NLRP13: variants seen among roughly 807,000 people sequenced by gnomAD.
NLRP13 encodes the protein NLR family pyrin domain containing 13, also known as NACHT, LRR and PYD domains-containing protein 13.
NLRP13 carries 82 observed loss-of-function variants against 94.4 expected under a neutral mutation model. That is an observed-to-expected ratio of 0.87 (90% CI 0.73 to 1.04). NLRP13 has a LOEUF of 1.04. Ranked by LOEUF, NLRP13 falls within the 50% of genes least tolerant of loss-of-function variation. The pLI, the probability that NLRP13 is intolerant of heterozygous loss-of-function variation, is 0.00. For missense variants in NLRP13, 1,426 were observed against 1,230.8 expected (o/e 1.16, Z -2.37); for synonymous variants, 553 against 464.7 (o/e 1.19, Z -2.45).
At chr19:55,916,492 T>C (rs1986679174) in intron 4 of NLRP13, among the ~76,000 whole-genome samples, 1 of 152,082 alleles carries the variant, frequency 6.6e-6, no homozygotes, top group African/African-American at 2.4e-5. Context: ...ATTCAGGATA[T>C]GAATGAGAAA....
chr19:55,911,902 A>G lies in NLRP13; in HGVS notation c.1915T>C (p.Phe639Leu). ...ASLQFHILRL[F>L]HCLHESQEED... ...TCCTGGGACTCGTGTAGGCAGTGAA[A>G]AAGTCGTAGAATGTGAAATTGGAGA... is the stretch of plus-strand genomic sequence containing the variant. Residue 639 changes from phenylalanine (F) to leucine (L), a missense_variant, in exon 5 of 11, where the codon TTT (phenylalanine) becomes CTT (leucine). Transcript: ENST00000342929. 6.2e-7 allele frequency: 1 copy of G among 1,614,174 alleles called. No individual in the cohort carries two copies. The highest frequency in any genetic ancestry group is 1.7e-5 in the Admixed American group (1 of 60,034).
chr19:55,910,476 G>T (rs907915049), intron 6 of NLRP13, 87 bp downstream of exon 6: 2 of 1,301,366 alleles, frequency 1.5e-6, no homozygotes, highest in South Asian at 1.9e-5. Flanking sequence ...TTGCCTTCTG[G>T]CAAATAGTCA....
rs768101904 is a variant in NLRP13 at position 55,910,562 on chromosome 19, C to G, written c.2282+1G>C. 1.9e-6 allele frequency: 3 copies of G among 1,592,822 alleles called. No individual in the cohort carries two copies. Among genetic ancestry groups the G allele is most frequent in the Non-Finnish European group, 2.6e-6 (3 of 1,165,174 alleles). On this transcript the variant is annotated splice_donor_variant, in intron 6 of 10. Transcript: ENST00000342929. LOFTEE classifies it high-confidence loss of function. The stretch of plus-strand genomic sequence containing the variant: ...TTGAGCTGCTGGCGTCTCACACTTA[C>G]GTCAGTTTCTGGACTTTGCATCTTG...
At position 55,925,033 on chromosome 19, in the gene NLRP13, T is replaced by G; in HGVS notation, c.322A>C (p.Asn108His). The change falls in exon 2 of 11, where the codon AAT becomes CAT. Residue 108 changes from asparagine (N) to histidine (H), a missense_variant and splice_region_variant. Coordinates refer to ENST00000342929, the MANE Select transcript of NLRP13 (RefSeq NM_176810.2). ...CEKVRAEMKE[N>H]VQTQELQDPT... ...TCTTGCAGCTCTTGGGTCTGCACAT[T>G]CTCTGAAACAAACAGTGATGATGAC... 6.2e-7 allele frequency: 1 copy of G among 1,613,912 alleles called. No individual in the cohort carries two copies. The highest frequency in any genetic ancestry group is 8.5e-7 in the Non-Finnish European group (1 of 1,179,884).
Position 55,905,131 on chromosome 19 carries a change from C to A in NLRP13, c.2448-19G>T. On this transcript the variant is annotated intron_variant, in intron 7 of 10. Transcript: ENST00000342929. Reference sequence around the variant, plus strand: ...CTCCAGGCTGTGGAAGGTGCAGGTGCAAGGTGAGCCTCAGCCATGATGCCC... The same window carrying A: ...CTCCAGGCTGTGGAAGGTGCAGGTGAAAGGTGAGCCTCAGCCATGATGCCC... 1 of 1,612,336 alleles carries A rather than the reference C, an allele frequency of 6.2e-7. No homozygotes were observed.
chr19:55,894,223 G>A (rs927661289), downstream of NLRP13, among the ~76,000 whole-genome samples: 12 of 151,834 alleles, frequency 7.9e-5, no homozygotes, highest in Admixed American at 7.9e-4. Flanking sequence ...TAAAATTTTT[G>A]TAGAGACAGG....
Position 55,911,927 on chromosome 19 carries a change from A to G in NLRP13, c.1890T>C (p.Ser630=), listed in dbSNP as rs1490489921. ...GEELGKAESA[S]LQFHILRLFH... ...AAAGTCGTAGAATGTGAAATTGGAG[A>G]GAGGCACTTTCAGCCTTACCTAACT... The change falls in exon 5 of 11, where the codon TCT becomes TCC. Residue 630 remains serine, a synonymous_variant. Coordinates refer to ENST00000342929, the MANE Select transcript of NLRP13 (RefSeq NM_176810.2). The G allele has an allele frequency of 6.2e-7, 1 of 1,614,160 alleles. No homozygotes were observed. The highest frequency in any genetic ancestry group is 1.1e-5 in the South Asian group (1 of 91,070).
intron 9 of NLRP13, among the ~76,000 whole-genome samples, chr19:55,901,021 C>T (rs2123106669): frequency 6.6e-6 from 1 of 152,300 alleles, no homozygotes; most frequent in African/African-American, 2.4e-5. Flanking sequence ...ACATAACCAG[C>T]ACTCAGTAAA....
chr19:55,931,718 A>AGAAAGACAGAAAGAAAGAAAGAAAGAAAG, intron 1 of NLRP13, among the ~76,000 whole-genome samples: 2 of 96,064 alleles, frequency 2.1e-5, no homozygotes, highest in African/African-American at 8.3e-5. Context: ...TCAAAAAAAA[A>AGAAAGACAGAAAGAAAGAAAGAAAGAAAG]AAAAAAAGAA....
In NLRP13 at chr19:55,913,186, C is replaced by G; in HGVS notation, c.631G>C (p.Glu211Gln). The G allele has an allele frequency of 6.2e-7, 1 of 1,614,072 alleles. No individual in the cohort carries two copies. Among genetic ancestry groups the G allele is most frequent in the East Asian group, 2.2e-5 (1 of 44,868 alleles). Residue 211 changes from glutamate (E) to glutamine (Q), a missense_variant, in exon 5 of 11, where the codon GAA becomes CAA. Glu to Gln is a conservative substitution (Grantham distance 29, BLOSUM62 2). Coordinates refer to ENST00000342929, the MANE Select transcript of NLRP13 (RefSeq NM_176810.2). ...AGTAGGCGCTGCAGTTCCTCATGTT[C>G]GTCCTTTGATGTATTACGGATATAT... ...HVYIRNTSKDEHEELQRLLDP... is the reference protein window; with the variant it reads ...HVYIRNTSKDQHEELQRLLDP...
At chr19:55,895,751 C>T (rs1568684677), downstream of NLRP13, among the ~76,000 whole-genome samples, 2 of 152,118 alleles carry the variant, frequency 1.3e-5, no homozygotes, top group African/African-American at 4.8e-5. Flanking sequence ...TTTCAAGTGC[C>T]CAATGATGAG....
In NLRP13 at chr19:55,925,172, G is replaced by A. The variant is rs146244873; in HGVS notation, c.320-137C>T. 3.0e-4 allele frequency: 226 copies of A among 746,036 alleles called. 1 individual carries two copies. Among genetic ancestry groups the A allele is most frequent in the African/African-American group, 2.7e-3 (158 of 57,948 alleles). The allele number at this position is 746,036 out of a possible 1,614,324, so 46.2% of individuals were successfully genotyped here. ...GGTCTGATTCCTCCAGTTTTCTCAA[G>A]CTCCATTAGCCCAACTGAAGATGCA... On this transcript the variant is annotated intron_variant, in intron 1 of 10. Transcript: ENST00000342929.
intron 1 of NLRP13, among the ~76,000 whole-genome samples, chr19:55,930,686 C>CAA (rs9304769): frequency 0.013 from 1,250 of 93,958 alleles, 25 homozygotes; most frequent in African/African-American, 0.045. Flanking sequence ...AACTCCATCT[C>CAA]AAAAAAAAAA....
chr19:55,929,738 C>T (rs1190181733), intron 1 of NLRP13, among the ~76,000 whole-genome samples: 3 of 151,878 alleles, frequency 2.0e-5, no homozygotes, highest in East Asian at 3.9e-4. Context: ...CAAACCTGCA[C>T]GTTGTGCACA....
At chr19:55,908,667 C>A (rs1440624270) in intron 6 of NLRP13, among the ~76,000 whole-genome samples, 1 of 152,148 alleles carries the variant, frequency 6.6e-6, no homozygotes, top group East Asian at 1.9e-4. Context: ...GAAGCTAATG[C>A]AGGAACAGAA....
Position 55,931,969 on chromosome 19 carries a change from G to A in NLRP13, c.319+24C>T, listed in dbSNP as rs200371517. The A allele has an allele frequency of 4.8e-5, 77 of 1,608,006 alleles. No homozygotes were observed. The East Asian group carries it at 4.9e-4, about 10-fold the overall frequency. ...CTCAGGAGTACCAAGCAGCCCTCCC[G>A]CCTTCCTTCTTGAGGACTCTCACCT... On this transcript the variant is annotated intron_variant, in intron 1 of 10. Coordinates refer to ENST00000342929, the MANE Select transcript of NLRP13 (RefSeq NM_176810.2).
chr19:55,932,042 C>G lies in NLRP13; in HGVS notation c.270G>C (p.Gln90His). Residue 90 changes from glutamine to histidine, a missense_variant, in exon 1 of 11, where the codon CAG becomes CAC. Coordinates refer to ENST00000342929, the MANE Select transcript of NLRP13 (RefSeq NM_176810.2). ...CACACAGTGAGGTCAGATTCATTGTCTGGAAGATGCCGAGGACCACTTTCC... is the reference window on the plus strand; with the variant it reads ...CACACAGTGAGGTCAGATTCATTGTGTGGAAGATGCCGAGGACCACTTTCC... Reference protein sequence around the residue: ...QAWKVVLGIFQTMNLTSLCEK... With the variant: ...QAWKVVLGIFHTMNLTSLCEK... 1.9e-6 allele frequency: 3 copies of G among 1,614,066 alleles called. No individual in the cohort carries two copies. The highest frequency in any genetic ancestry group is 1.7e-6 in the Non-Finnish European group (2 of 1,180,014).
In NLRP13 at chr19:55,918,326, T is replaced by C. The variant is rs532014511; in HGVS notation, c.524-5033A>G. Reference sequence around the variant, plus strand: ...AAATCACAAATTAACAACCTAACAATGCAACTCAAGGAAAAAGAATAAGAA... The same window carrying C: ...AAATCACAAATTAACAACCTAACAACGCAACTCAAGGAAAAAGAATAAGAA... On this transcript the variant is annotated intron_variant, in intron 4 of 10. Coordinates refer to ENST00000342929, the MANE Select transcript of NLRP13 (RefSeq NM_176810.2). Among the ~76,000 whole-genome samples, 4 of 141,592 alleles carry C rather than the reference T, an allele frequency of 2.8e-5. No homozygotes were observed. In the East Asian group the frequency reaches 8.2e-4, roughly 29 times the overall value. 92.9% of individuals were successfully genotyped at this position (141,592 alleles called of 152,430 possible). A position where few individuals can be genotyped will look rare whatever the true frequency, so the allele number is the denominator to read the frequency against.
rs1986331531 is a variant in NLRP13 at position 55,905,863 on chromosome 19, TGGG to T, written c.2448-754_2448-752del. Among the ~76,000 whole-genome samples the T allele has an allele frequency of 2.0e-5, 3 of 152,274 alleles. 1 individual carries two copies. The highest frequency in any genetic ancestry group is 7.2e-5 in the African/African-American group (3 of 41,564). On this transcript the variant is annotated intron_variant, in intron 7 of 10. Transcript: ENST00000342929. ...TGTCCAGGCATTGCCAAATGTCCCC[TGGG>T]GGACAAAAATCAAATCATCCCCAGT... is the stretch of plus-strand genomic sequence containing the variant.
Sources: gnomAD v4.1 joint callset for allele counts (sites outside exome capture counted in the v4.1 genomes callset) on GRCh38, gnomAD v4.1.1 for gene constraint, MANE v1.5 for transcripts, NCBI Gene and HGNC (gene_info 2026-07-23, HGNC 2026-07-21) for gene names.